Variants in CDK8 observed in about 807,000 individuals in gnomAD.
CDK8 encodes cyclin dependent kinase 8, also known as cyclin-dependent kinase 8.
A neutral mutation model predicts 71.5 loss-of-function variants in CDK8; 29 were observed. That is an observed-to-expected ratio of 0.41 (90% confidence interval 0.30 to 0.55). The LOEUF (loss-of-function observed/expected upper bound fraction) is 0.55. Ranked by LOEUF, CDK8 falls within the 20% of genes least tolerant of loss-of-function variation. The pLI, the probability that CDK8 is intolerant of heterozygous loss-of-function variation, is 0.37. For missense variants in CDK8, 288 were observed against 572.6 expected, an observed-to-expected ratio of 0.50 and a Z score of 5.07; for synonymous variants, 161 against 192.1, an observed-to-expected ratio of 0.84 and a Z score of 1.34.
At chr13:26,256,421 C>T (rs1348571973) in intron 1 of CDK8, among the ~76,000 whole-genome samples, 1 of 152,166 alleles carries the variant, frequency 6.6e-6, no homozygotes, top group Non-Finnish European at 1.5e-5. Flanking sequence ...TGAGATTAGA[C>T]ATTACAGTAC....
intron 4 of CDK8, among the ~76,000 whole-genome samples, chr13:26,358,687 T>C (rs1160928294): frequency 6.6e-6 from 1 of 152,240 alleles, no homozygotes; most frequent in Non-Finnish European, 1.5e-5. Flanking sequence ...GGTATTTGTA[T>C]ATGCATGTTC....
chr13:26,365,910 A>G lies in CDK8; in HGVS notation c.456+12030A>G, dbSNP rs576126093. Among the ~76,000 whole-genome samples, 132 of 152,142 alleles carry G rather than the reference A, an allele frequency of 8.7e-4. 1 individual carries two copies. Among genetic ancestry groups the G allele is most frequent in the African/African-American group, 3.1e-3 (128 of 41,566 alleles). On this transcript the variant is annotated intron_variant, in intron 4 of 12. Transcript: ENST00000381527. ...ACTTTCACATTAGCAAAACAAATAT[A>G]TCACAATACCAAGAAACTCTCTCTT... is the stretch of plus-strand genomic sequence containing the variant.
intron 4 of CDK8, among the ~76,000 whole-genome samples, chr13:26,375,284 G>T (rs563478382): frequency 1.3e-5 from 2 of 152,112 alleles, no homozygotes; most frequent in Non-Finnish European, 2.9e-5. Context: ...TCCATTGAGC[G>T]TGTATTACCT....
chr13:26,375,806 T>C (rs1486502842), intron 4 of CDK8, among the ~76,000 whole-genome samples: 1 of 152,246 alleles, frequency 6.6e-6, no homozygotes, highest in African/African-American at 2.4e-5. Flanking sequence ...AAAAAGTTTT[T>C]AAAAGTCCAG....
chr13:26,348,500 G>A (rs1406862631), intron 2 of CDK8, among the ~76,000 whole-genome samples: 2 of 152,106 alleles, frequency 1.3e-5, no homozygotes, highest in Non-Finnish European at 2.9e-5. Flanking sequence ...AGAATCTAAT[G>A]CCTAATGAAT....
intron 1 of CDK8, among the ~76,000 whole-genome samples, chr13:26,281,701 T>C (rs1388436707): frequency 1.5e-5 from 2 of 132,164 alleles, no homozygotes; most frequent in Admixed American, 1.5e-4. Flanking sequence ...CTCAGGGAGA[T>C]ACCAGGGAAA....
At chr13:26,326,520 C>T (rs2137955872) in intron 1 of CDK8, among the ~76,000 whole-genome samples, 1 of 152,252 alleles carries the variant, frequency 6.6e-6, no homozygotes, top group African/African-American at 2.4e-5. Flanking sequence ...GATCTTTGTT[C>T]CATGGGTCCT....
chr13:26,370,943 A>AT (rs1045409816), intron 4 of CDK8, among the ~76,000 whole-genome samples: 23 of 150,544 alleles, frequency 1.5e-4, no homozygotes, highest in Admixed American at 4.0e-4. Flanking sequence ...TTTTTGTTTA[A>AT]TTTTTTTTTT....
At chr13:26,260,192 ATTT>A (rs893633911) in intron 1 of CDK8, among the ~76,000 whole-genome samples, 5 of 151,946 alleles carry the variant, frequency 3.3e-5, no homozygotes, top group African/African-American at 9.7e-5. Flanking sequence ...CCTGGCCAGC[ATTT>A]TTTGAGTTCT....
intron 2 of CDK8, among the ~76,000 whole-genome samples, chr13:26,347,033 A>T (rs1367250129): frequency 6.6e-6 from 1 of 152,292 alleles, no homozygotes; most frequent in African/African-American, 2.4e-5. Flanking sequence ...GTTTTAACTG[A>T]TAAAGACATA....
intron 1 of CDK8, among the ~76,000 whole-genome samples, chr13:26,314,317 A>G (rs1386465164): frequency 6.6e-6 from 1 of 152,212 alleles, no homozygotes; most frequent in Non-Finnish European, 1.5e-5. Flanking sequence ...AACAGTTACT[A>G]AGAACATTTC....
chr13:26,309,202 C>A (rs377668447), intron 1 of CDK8, among the ~76,000 whole-genome samples: 14 of 150,542 alleles, frequency 9.3e-5, no homozygotes, highest in Admixed American at 4.0e-4. Flanking sequence ...TGCGGTGGCG[C>A]GATCTCAGCT....
intron 12 of CDK8, among the ~76,000 whole-genome samples, chr13:26,403,001 G>A (rs1157348755): frequency 6.6e-6 from 1 of 152,196 alleles, no homozygotes; most frequent in Non-Finnish European, 1.5e-5. Context: ...GAAGTAATAA[G>A]TTCTGGTTAA....
chr13:26,276,849 C>G (rs1268633442), intron 1 of CDK8, among the ~76,000 whole-genome samples: 2 of 152,136 alleles, frequency 1.3e-5, no homozygotes, highest in Non-Finnish European at 2.9e-5. Context: ...ATTTATGTAG[C>G]TTTACTCTAA....
chr13:26,279,082 G>A (rs7992670), intron 1 of CDK8, among the ~76,000 whole-genome samples: 61,962 of 151,674 alleles, frequency 0.41, 14,347 homozygotes, highest in Non-Finnish European at 0.52. Context: ...AGATATTGAA[G>A]AGGGCTGTGT....
intron 4 of CDK8, among the ~76,000 whole-genome samples, chr13:26,370,530 C>G (rs1024975584): frequency 1.3e-5 from 2 of 152,188 alleles, no homozygotes; most frequent in African/African-American, 4.8e-5. Flanking sequence ...TCCCCTGTTT[C>G]ATCTTATATC....
intron 12 of CDK8, among the ~76,000 whole-genome samples, chr13:26,402,956 A>T (rs1226526920): frequency 6.6e-6 from 1 of 152,192 alleles, no homozygotes; most frequent in African/African-American, 2.4e-5. Flanking sequence ...CAGAATTTGG[A>T]ATTATATGTC....
chr13:26,404,287 T>C lies in CDK8; in HGVS notation c.*206T>C. On this transcript the variant is annotated 3_prime_UTR_variant, in exon 13 of 13. Transcript: ENST00000381527. ...TTTGGAGTTAGACTTGAAAAGAAAGTGCTAGCACAGTTTGTGTTGTGGATT... is the reference window on the plus strand; with the variant it reads ...TTTGGAGTTAGACTTGAAAAGAAAGCGCTAGCACAGTTTGTGTTGTGGATT... The C allele has an allele frequency of 2.0e-6, 1 of 506,180 alleles. No homozygotes were observed. The highest frequency in any genetic ancestry group is 3.5e-6 in the Non-Finnish European group (1 of 287,738). 31.4% of individuals were successfully genotyped at this position (506,180 alleles called of 1,614,324 possible).
In CDK8 at chr13:26,297,052, T is replaced by G. The variant is rs191658060; in HGVS notation, c.129-40515T>G. On this transcript the variant is annotated intron_variant, in intron 1 of 12. Coordinates refer to ENST00000381527, the MANE Select transcript of CDK8 (RefSeq NM_001260.3). ...AGATAAGAACCTCCTTTCCTCTGAATGACACAATAGATGGCCTATCATTAG... is the reference window on the plus strand; with the variant it reads ...AGATAAGAACCTCCTTTCCTCTGAAGGACACAATAGATGGCCTATCATTAG... 3.9e-5 allele frequency among the ~76,000 whole-genome samples: 6 copies of G among 152,274 alleles called. No homozygotes were observed. The East Asian group carries it at 1.2e-3, about 29-fold the overall frequency.
Sources: allele counts gnomAD v4.1 joint callset (sites outside exome capture counted in the v4.1 genomes callset), GRCh38; gene constraint gnomAD v4.1.1; transcripts MANE v1.5; gene names NCBI Gene and HGNC (gene_info 2026-07-23, HGNC 2026-07-21).